The following SLC9A8 variants were observed in gnomAD, a reference collection of about 807,000 sequenced individuals.
The protein encoded by SLC9A8 is sodium/hydrogen exchanger 8.
SLC9A8 carries 48 observed loss-of-function variants against 66.6 expected under a neutral mutation model. That is an observed-to-expected ratio of 0.72 (90% CI 0.57 to 0.92). The LOEUF (loss-of-function observed/expected upper bound fraction) is 0.92. Ranked by LOEUF, SLC9A8 falls within the 40% of genes least tolerant of loss-of-function variation. The pLI is 0.00. For missense variants in SLC9A8, 599 were observed against 747.3 expected (o/e 0.80, Z 2.31); for synonymous variants, 274 against 282.6 (o/e 0.97, Z 0.31).
chr20:49,815,452 T>C, intron 2 of SLC9A8: 1 of 283,464 alleles, frequency 3.5e-6, no homozygotes, highest in African/African-American at 2.2e-5. Context: ...AATTTTGGCC[T>C]AGAAAGAATC....
chr20:49,857,016 CT>C lies in SLC9A8; in HGVS notation c.713+1436del, dbSNP rs2088521380. ...TTCAGATAATCTCAAATATATTTTT[CT>C]GATGCAGGGATATTTCCTTGAACTC... On this transcript the variant is annotated intron_variant, in intron 8 of 15. Transcript: ENST00000361573. Among the ~76,000 whole-genome samples the C allele has an allele frequency of 3.9e-5, 6 of 152,234 alleles. No homozygotes were observed. In the South Asian group the frequency reaches 1.0e-3, roughly 26 times the overall value.
At chr20:49,829,627 C>A in intron 3 of SLC9A8, 1 of 437,792 alleles carries the variant, frequency 2.3e-6, no homozygotes. Flanking sequence ...CCATATCATG[C>A]TCATAAAGAG....
chr20:49,830,561 G>A lies in SLC9A8; in HGVS notation c.289+7420G>A, dbSNP rs1044953210. 119 of 615,054 alleles carry A rather than the reference G, an allele frequency of 1.9e-4. 1 individual carries two copies. Among genetic ancestry groups the A allele is most frequent in the South Asian group, 1.5e-4 (8 of 53,588 alleles). 38.1% of individuals were successfully genotyped at this position (615,054 alleles called of 1,614,324 possible). On this transcript the variant is annotated intron_variant, in intron 3 of 15. Transcript: ENST00000361573. ...TGGCCTGGGTGATTGCGTCCAGGTC[G>A]GGGGGTCGCTTTCCAGAAGCTCCCA...
chr20:49,834,337 A>ATATATATACTGTG lies in SLC9A8; in HGVS notation c.290-5196_290-5195insCTGTGTATATATA, dbSNP rs1555831844. 2.8e-3 allele frequency among the ~76,000 whole-genome samples: 265 copies of ATATATATACTGTG among 93,658 alleles called. 15 individuals are homozygous for ATATATATACTGTG. Among genetic ancestry groups the ATATATATACTGTG allele is most frequent in the African/African-American group, 0.014 (253 of 18,170 alleles). The allele number at this position is 93,658 out of a possible 152,430, so 61.4% of individuals were successfully genotyped here. A position where few individuals can be genotyped will look rare whatever the true frequency, so the allele number is the denominator to read the frequency against. ...GTGTATATATATATATACTGTGTATATATATATATACTGTATATATATATA... is the reference window on the plus strand; with the variant it reads ...GTGTATATATATATATACTGTGTATATATATATACTGTGTATATATATACTGTATATATATATA... On this transcript the variant is annotated intron_variant, in intron 3 of 15. Transcript: ENST00000361573.
At chr20:49,840,538 AAC>A (rs1475235970) in intron 4 of SLC9A8, among the ~76,000 whole-genome samples, 1 of 152,180 alleles carries the variant, frequency 6.6e-6, no homozygotes, top group Non-Finnish European at 1.5e-5. Context: ...ACTAACGTAA[AAC>A]ACAATTTGAA....
chr20:49,853,342 A>G (rs761718601), intron 7 of SLC9A8, among the ~76,000 whole-genome samples: 27 of 151,904 alleles, frequency 1.8e-4, no homozygotes, highest in South Asian at 4.2e-4. Flanking sequence ...GGTTCTCTCT[A>G]TATTGCCCAG....
chr20:49,822,324 CT>C (rs1265000547), intron 2 of SLC9A8, among the ~76,000 whole-genome samples: 3 of 152,202 alleles, frequency 2.0e-5, no homozygotes, highest in African/African-American at 7.2e-5. Context: ...TCAATGCAAT[CT>C]GTTGCAGTTA....
chr20:49,863,156 C>G, intron 9 of SLC9A8, 89 bp downstream of exon 9: 1 of 1,206,256 alleles, frequency 8.3e-7, no homozygotes, highest in Middle Eastern at 2.1e-4. Context: ...TTTAAGGGGG[C>G]CAATTTTAGA....
chr20:49,844,981 T>C (rs962206182), intron 4 of SLC9A8, 55 bp from the exon 5 acceptor site: 1 of 1,284,238 alleles, frequency 7.8e-7, no homozygotes, highest in Non-Finnish European at 1.1e-6. Flanking sequence ...TTGATTAATT[T>C]ATTTCTTAAT....
At chr20:49,867,247 TA>T (rs1425334693) in intron 10 of SLC9A8, among the ~76,000 whole-genome samples, 3 of 152,238 alleles carry the variant, frequency 2.0e-5, no homozygotes, top group Non-Finnish European at 4.4e-5. Flanking sequence ...ACTTTTCTTT[TA>T]AAAACAATTT....
At chr20:49,876,777 T>G (rs762275777) in intron 11 of SLC9A8, among the ~76,000 whole-genome samples, 9 of 152,200 alleles carry the variant, frequency 5.9e-5, no homozygotes, top group Non-Finnish European at 1.2e-4. Context: ...ATCCTGGAGT[T>G]GATGCTGCCA....
chr20:49,820,994 G>C (rs1476255918), intron 2 of SLC9A8, among the ~76,000 whole-genome samples: 3 of 152,182 alleles, frequency 2.0e-5, no homozygotes, highest in East Asian at 1.9e-4. Flanking sequence ...TCTCTTGGCT[G>C]TTGAGTTTAA....
intron 14 of SLC9A8, among the ~76,000 whole-genome samples, chr20:49,885,047 A>G (rs1444873861): frequency 6.6e-6 from 1 of 152,248 alleles, no homozygotes; most frequent in African/African-American, 2.4e-5. Context: ...TGGCAAGACC[A>G]TGGCCTCCAA....
chr20:49,887,385 G>A (rs577819685), intron 15 of SLC9A8, among the ~76,000 whole-genome samples: 17 of 152,212 alleles, frequency 1.1e-4, no homozygotes, highest in Admixed American at 8.5e-4. Flanking sequence ...GAGAGCTGCC[G>A]GTGTGTGCGC....
At chr20:49,871,338 A>T (rs2146708408) in intron 10 of SLC9A8, among the ~76,000 whole-genome samples, 1 of 152,300 alleles carries the variant, frequency 6.6e-6, no homozygotes, top group South Asian at 2.1e-4. Context: ...CATCTAGAAC[A>T]GTGGATGTAA....
rs34619777 is a variant in SLC9A8 at position 49,886,973 on chromosome 20, G to T, written c.1638+75G>T. 5.3e-6 allele frequency: 8 copies of T among 1,510,532 alleles called. No homozygotes were observed. The highest frequency in any genetic ancestry group is 2.8e-5 in the African/African-American group (2 of 72,428). The allele number at this position is 1,510,532 out of a possible 1,614,324, so 93.6% of individuals were successfully genotyped here. A position where few individuals can be genotyped will look rare whatever the true frequency, so the allele number is the denominator to read the frequency against. ...TTCAGGACCTGCGGTGGCCCAGGGT[G>T]GGGTGGAGGAAGAGTGGGGAGGCAG... On this transcript the variant is annotated intron_variant, in intron 15 of 15. Transcript: ENST00000361573. The surrounding 1 kb of genome is among the most constrained non-coding windows in gnomAD (Gnocchi z 4.8).
At chr20:49,844,619 T>TAA (rs35043669) in intron 4 of SLC9A8, among the ~76,000 whole-genome samples, 5,204 of 105,246 alleles carry the variant, frequency 0.049, 146 homozygotes, top group Non-Finnish European at 0.071. Flanking sequence ...CCCTGTATCT[T>TAA]AAAAAAAAAA....
chr20:49,862,074 G>C (rs2088763069), intron 8 of SLC9A8, among the ~76,000 whole-genome samples: 1 of 150,846 alleles, frequency 6.6e-6, no homozygotes, highest in Non-Finnish European at 1.5e-5. Context: ...TCCTGCCACT[G>C]TCCCACCCCC....
intron 9 of SLC9A8, 125 bp downstream of exon 9, chr20:49,863,192 T>A: frequency 7.1e-6 from 6 of 843,564 alleles, no homozygotes; most frequent in Non-Finnish European, 1.1e-5. Flanking sequence ...AAGGAGGATT[T>A]TTTTGCTTAG....
Sources: gnomAD v4.1 joint callset for allele counts (sites outside exome capture counted in the v4.1 genomes callset) on GRCh38, gnomAD v4.1.1 for gene constraint, Gnocchi (gnomAD v3.1) non-coding constraint, MANE v1.5 for transcripts, NCBI Gene and HGNC (gene_info 2026-07-23, HGNC 2026-07-21) for gene names.